Variants in SGCZ observed in about 807,000 individuals in gnomAD.
SGCZ encodes sarcoglycan zeta.
In SGCZ, 40 loss-of-function variants were observed where a neutral mutation model predicts 41.3. That is an observed-to-expected ratio of 0.97 (90% CI 0.75 to 1.26). The LOEUF (loss-of-function observed/expected upper bound fraction) is 1.26. Ranked by LOEUF, SGCZ falls within the 50% of genes most tolerant of loss-of-function variation. The probability of loss-of-function intolerance (pLI) is 0.00; values close to 1 mark genes in which losing one functional copy is unlikely to be tolerated. For synonymous variants in SGCZ, 206 were observed against 137.5 expected, an observed-to-expected ratio of 1.50 and a Z score of -3.49; for missense variants, 552 against 369.8, an observed-to-expected ratio of 1.49 and a Z score of -4.04.
chr8:14,973,759 C>T (rs900923387), intron 1 of SGCZ, among the ~76,000 whole-genome samples: 12 of 152,128 alleles, frequency 7.9e-5, no homozygotes, highest in East Asian at 1.9e-4. Flanking sequence ...ATCTGAAAGA[C>T]GACACGTTTT....
intron 1 of SGCZ, among the ~76,000 whole-genome samples, chr8:14,863,277 C>T (rs1389164515): frequency 6.6e-6 from 1 of 152,096 alleles, no homozygotes; most frequent in Non-Finnish European, 1.5e-5. Context: ...ATGTAACTAG[C>T]TAAGAAATAC....
At chr8:14,507,385 T>G (rs1802336656) in intron 2 of SGCZ, among the ~76,000 whole-genome samples, 1 of 152,138 alleles carries the variant, frequency 6.6e-6, no homozygotes, top group Non-Finnish European at 1.5e-5. Flanking sequence ...TACATCCCTT[T>G]TCTTTCTCCT....
intron 3 of SGCZ, among the ~76,000 whole-genome samples, chr8:14,317,300 C>T (rs939597423): frequency 1.4e-4 from 21 of 152,118 alleles, no homozygotes; most frequent in African/African-American, 5.1e-4. Context: ...TTAGGTGCTA[C>T]TATGAACTTC....
chr8:14,350,700 C>G (rs1803059982), intron 2 of SGCZ, among the ~76,000 whole-genome samples: 1 of 152,080 alleles, frequency 6.6e-6, no homozygotes, highest in Non-Finnish European at 1.5e-5. Flanking sequence ...AGTTCAGCCT[C>G]TCCCTCTGTC....
chr8:14,325,739 CACACACACATATATATATATATAT>C (rs1485220494), intron 2 of SGCZ, among the ~76,000 whole-genome samples: 5 of 32,128 alleles, frequency 1.6e-4, no homozygotes, highest in South Asian at 1.2e-3. Flanking sequence ...CACACACACA[CACACACACATATATATATATATAT>C]ATATATATAT....
intron 7 of SGCZ, among the ~76,000 whole-genome samples, chr8:14,100,390 G>T (rs1049526898): frequency 4.0e-5 from 6 of 150,722 alleles, no homozygotes; most frequent in African/African-American, 1.5e-4. Flanking sequence ...TTGAATGAAA[G>T]TTACCATTAT....
At chr8:14,177,675 A>ATTTTTTT (rs1193141913) in intron 4 of SGCZ, among the ~76,000 whole-genome samples, 39 of 111,320 alleles carry the variant, frequency 3.5e-4, no homozygotes, top group East Asian at 5.4e-4. Flanking sequence ...ACGCCCTGCT[A>ATTTTTTT]TTTTTTTTTT....
chr8:15,038,938 C>T (rs909173879), intron 1 of SGCZ, among the ~76,000 whole-genome samples: 2 of 151,892 alleles, frequency 1.3e-5, no homozygotes, highest in Non-Finnish European at 2.9e-5. Context: ...AAACTACTAC[C>T]TCATACCTGC....
intron 1 of SGCZ, among the ~76,000 whole-genome samples, chr8:15,090,052 G>GT (rs1310717676): frequency 1.3e-5 from 2 of 152,140 alleles, no homozygotes; most frequent in Non-Finnish European, 2.9e-5. Context: ...TACCTTGTAT[G>GT]TTATCAGTCA....
At chr8:15,071,052 C>T (rs1805333136) in intron 1 of SGCZ, among the ~76,000 whole-genome samples, 1 of 152,084 alleles carries the variant, frequency 6.6e-6, no homozygotes, top group African/African-American at 2.4e-5. Flanking sequence ...TCTGACTTCT[C>T]ATGAATGCTG....
intron 7 of SGCZ, among the ~76,000 whole-genome samples, chr8:14,094,495 G>A (rs995894461): frequency 5.3e-5 from 8 of 152,058 alleles, no homozygotes; most frequent in African/African-American, 1.4e-4. Flanking sequence ...ACAGTATTCC[G>A]TGGTGTATAT....
chr8:14,109,818 T>C (rs112398104), intron 5 of SGCZ, among the ~76,000 whole-genome samples: 1 of 152,122 alleles, frequency 6.6e-6, no homozygotes, highest in Non-Finnish European at 1.5e-5. Flanking sequence ...TGATTTCATC[T>C]ATATTATGCT....
chr8:14,709,812 G>C (rs1809455378), intron 1 of SGCZ, among the ~76,000 whole-genome samples: 1 of 152,104 alleles, frequency 6.6e-6, no homozygotes, highest in Non-Finnish European at 1.5e-5. Context: ...AACATTTATT[G>C]ATGCCTTACT....
At chr8:14,982,768 T>C (rs1220021638) in intron 1 of SGCZ, among the ~76,000 whole-genome samples, 2 of 152,212 alleles carry the variant, frequency 1.3e-5, no homozygotes, top group African/African-American at 4.8e-5. Context: ...TTGAAAATTC[T>C]AGATATAATT....
intron 2 of SGCZ, among the ~76,000 whole-genome samples, chr8:14,343,644 G>A (rs1201590836): frequency 2.0e-5 from 3 of 152,120 alleles, no homozygotes; most frequent in African/African-American, 4.8e-5. Context: ...AAATATTGCA[G>A]TGTTCATTTC....
At chr8:14,978,699 C>G (rs939218523) in intron 1 of SGCZ, among the ~76,000 whole-genome samples, 1 of 152,044 alleles carries the variant, frequency 6.6e-6, no homozygotes, top group Non-Finnish European at 1.5e-5. Flanking sequence ...AAATACCTTT[C>G]TTTAATAAAG....
chr8:14,888,349 T>C (rs1255399101), intron 1 of SGCZ, among the ~76,000 whole-genome samples: 1 of 152,148 alleles, frequency 6.6e-6, no homozygotes, highest in Non-Finnish European at 1.5e-5. Flanking sequence ...GCTCTTATTT[T>C]ATTTATTAGG....
At chr8:14,751,028 T>A (rs1006519416) in intron 1 of SGCZ, among the ~76,000 whole-genome samples, 1 of 152,236 alleles carries the variant, frequency 6.6e-6, no homozygotes, top group African/African-American at 2.4e-5. Flanking sequence ...ATATGAAATC[T>A]GCTATTGCTA....
At chr8:14,180,285 A>G (rs769510298) in intron 4 of SGCZ, among the ~76,000 whole-genome samples, 1 of 152,140 alleles carries the variant, frequency 6.6e-6, no homozygotes, top group Non-Finnish European at 1.5e-5. Context: ...GAAATGACAC[A>G]CTTATCTATA....
Sources: gnomAD v4.1 joint callset for allele counts (sites outside exome capture counted in the v4.1 genomes callset) on GRCh38, gnomAD v4.1.1 for gene constraint, MANE v1.5 for transcripts, NCBI Gene and HGNC (gene_info 2026-07-23, HGNC 2026-07-21) for gene names.